WAPL: variants seen among roughly 807,000 people sequenced by gnomAD.
WAPL encodes the protein WAPL cohesin release factor, also known as wings apart-like protein homolog.
Under a neutral mutation model 121.0 loss-of-function variants are expected in WAPL, and 5 were observed. The ratio of observed to expected loss-of-function variants is 0.04; its 90% CI spans 0.02 to 0.09. The LOEUF is 0.09. WAPL is among the 10% of genes least tolerant of loss of function. The pLI is 1.00. For missense variants in WAPL, 999 were observed against 1,410.8 expected, an observed-to-expected ratio of 0.71 and a Z score of 4.68; for synonymous variants, 480 against 481.5, an observed-to-expected ratio of 1.00 and a Z score of 0.04.
intron 4 of WAPL, among the ~76,000 whole-genome samples, chr10:86,475,341 T>C (rs2132195980): frequency 6.6e-6 from 1 of 152,320 alleles, no homozygotes; most frequent in Middle Eastern, 3.4e-3. Context: ...TTTTCTCTTA[T>C]GAAACACATC....
intron 17 of WAPL, 51 bp from the exon 18 acceptor site, chr10:86,438,066 T>C (rs776802399): frequency 7.4e-6 from 10 of 1,359,978 alleles, no homozygotes; most frequent in Middle Eastern, 1.8e-4. Context: ...AACATGAGAT[T>C]GCACCTCGTA....
chr10:86,491,508 G>A (rs910568500), intron 4 of WAPL, among the ~76,000 whole-genome samples: 4 of 152,020 alleles, frequency 2.6e-5, no homozygotes, highest in African/African-American at 9.7e-5. Flanking sequence ...AACACACTCA[G>A]CACTCAGATC....
chr10:86,508,776 T>TTTTTTA (rs1842399470), intron 2 of WAPL, among the ~76,000 whole-genome samples: 1 of 149,990 alleles, frequency 6.7e-6, no homozygotes, highest in African/African-American at 2.5e-5. Flanking sequence ...TTTTTTTTTT[T>TTTTTTA]GAGACAGAGT....
In WAPL at chr10:86,499,732, C is replaced by G; in HGVS notation, c.1511G>C (p.Gly504Ala). The change falls in exon 3 of 19, where the codon GGT becomes GCT. Residue 504 changes from glycine to alanine, a missense_variant. By Grantham distance (60) the Gly-to-Ala change is moderately conservative. This residue lies in a region of WAPL where 531 missense variants were observed against 563.1 expected (regional missense o/e 0.94). Coordinates refer to ENST00000298767, the MANE Select transcript of WAPL (RefSeq NM_015045.5). ...SNDNSQDSQS[G>A]TNNAENLDFT... ...TAAATTCTTACCTGCATTGTTAGTA[C>G]CAGACTGACTGTCCTGGGAATTATC... 6.3e-7 allele frequency: 1 copy of G among 1,580,558 alleles called. No individual in the cohort carries two copies. Among genetic ancestry groups the G allele is most frequent in the Admixed American group, 1.9e-5 (1 of 51,542 alleles).
chr10:86,446,110 G>A (rs980487563), intron 16 of WAPL, 132 bp downstream of exon 16: 1 of 963,204 alleles, frequency 1.0e-6, no homozygotes, highest in African/African-American at 1.6e-5. Context: ...ATCAAAGCTT[G>A]TCTGGACTGA....
intron 14 of WAPL, 69 bp from the exon 15 acceptor site, chr10:86,452,200 A>G: frequency 6.9e-7 from 1 of 1,454,916 alleles, no homozygotes; most frequent in African/African-American, 1.4e-5. Context: ...CAATATACAC[A>G]ATTTTTAATG....
In WAPL at chr10:86,451,746, T is replaced by C. The variant is rs544654686; in HGVS notation, c.3114+221A>G. On this transcript the variant is annotated intron_variant, in intron 15 of 18. Transcript: ENST00000298767. ...TCTGGTTTAAAATAAGCTTTCACCC[T>C]AGACGCTGTGAATATTTAAAAATTG... is the stretch of plus-strand genomic sequence containing the variant. Among the ~76,000 whole-genome samples, 8 of 152,280 alleles carry C rather than the reference T, an allele frequency of 5.3e-5. No homozygotes were observed. The South Asian group carries it at 8.3e-4, about 16-fold the overall frequency.
At chr10:86,473,432 T>C (rs544381223) in intron 5 of WAPL, among the ~76,000 whole-genome samples, 1 of 152,276 alleles carries the variant, frequency 6.6e-6, no homozygotes, top group South Asian at 2.1e-4. Flanking sequence ...GCTAAGAATC[T>C]TTTTCCTAAT....
rs776329519 is a variant in WAPL at position 86,471,013 on chromosome 10, C to T, written c.2121G>A (p.Leu707=). Residue 707 remains leucine (L), a synonymous_variant, in exon 8 of 19, where the codon TTG becomes TTA. Transcript: ENST00000298767. ...ATACCTGATGGTGCTGGGAATCATC[C>T]AAGGTTTTAAAGACCATTGCTACCA... ...HGMVAMVFKT[L]DDSQHHQNLS... is the part of the protein sequence containing the mutation. 12 of 1,613,492 alleles carry T rather than the reference C, an allele frequency of 7.4e-6. No individual in the cohort carries two copies. The highest frequency in any genetic ancestry group is 1.0e-5 in the Non-Finnish European group (12 of 1,179,802).
Position 86,437,314 on chromosome 10 carries a change from A to G in WAPL, c.*229T>C, listed in dbSNP as rs1472393719. ...TTAAATACTGCATGGAATTGTTAAC[A>G]GCCTGAACCTTTTCCCCTCATTTTT... is the stretch of plus-strand genomic sequence containing the variant. On this transcript the variant is annotated 3_prime_UTR_variant, in exon 19 of 19. Coordinates refer to ENST00000298767, the MANE Select transcript of WAPL (RefSeq NM_015045.5). 7 of 508,528 alleles carry G rather than the reference A, an allele frequency of 1.4e-5. No homozygotes were observed. The Admixed American group carries it at 2.3e-4, about 16-fold the overall frequency. 31.5% of individuals were successfully genotyped at this position (508,528 alleles called of 1,614,324 possible). A position where few individuals can be genotyped will look rare whatever the true frequency, so the allele number is the denominator to read the frequency against.
At chr10:86,510,011 G>A (rs919654715) in intron 2 of WAPL, among the ~76,000 whole-genome samples, 23 of 138,964 alleles carry the variant, frequency 1.7e-4, no homozygotes, top group South Asian at 1.4e-3. Flanking sequence ...TGATCCGCCC[G>A]CCTCGGCCTT....
At position 86,472,580 on chromosome 10, in the gene WAPL, A is replaced by C; in HGVS notation, c.1893+32T>G. On this transcript the variant is annotated intron_variant, in intron 6 of 18. Transcript: ENST00000298767. The surrounding 1 kb of genome is among the most constrained non-coding windows in gnomAD (Gnocchi z 4.2). ...AAATGTTACATACAAAAATCTATCA[A>C]CATGCAGTAAACACTGTATATGGCT... 10 of 1,597,082 alleles carry C rather than the reference A, an allele frequency of 6.3e-6. No individual in the cohort carries two copies. The highest frequency in any genetic ancestry group is 8.5e-6 in the Non-Finnish European group (10 of 1,172,708).
intron 9 of WAPL, among the ~76,000 whole-genome samples, chr10:86,462,621 G>C (rs546248059): frequency 1.3e-5 from 2 of 151,534 alleles, no homozygotes; most frequent in East Asian, 1.9e-4. Context: ...TCGGGAGGCT[G>C]AGGCAGGAGG....
chr10:86,499,087 G>C (rs1423123744), intron 3 of WAPL, among the ~76,000 whole-genome samples: 1 of 152,154 alleles, frequency 6.6e-6, no homozygotes, highest in Non-Finnish European at 1.5e-5. Context: ...CATTTGTCAA[G>C]TGGAAACATC....
intron 14 of WAPL, among the ~76,000 whole-genome samples, chr10:86,452,348 T>C (rs1311060222): frequency 6.6e-6 from 1 of 151,500 alleles, no homozygotes; most frequent in Non-Finnish European, 1.5e-5. Context: ...TCCCAGCACT[T>C]TGGGAGGCCA....
rs772010397 is a variant in WAPL, at chr10:86,500,093, A to C, written c.1150T>G (p.Phe384Val). ...QDTMERSMDE[F>V]TASTPADLGE... is the part of the protein sequence containing the mutation. The stretch of plus-strand genomic sequence containing the variant: ...AAATCTGCAGGAGTGGATGCAGTGA[A>C]CTCATCCATGCTGCGTTCCATAGTA... The change falls in exon 3 of 19, where the codon TTC (phenylalanine) becomes GTC (valine). Residue 384 changes from phenylalanine to valine, a missense_variant. Phe to Val is a conservative substitution (Grantham distance 50). Coordinates refer to ENST00000298767, the MANE Select transcript of WAPL (RefSeq NM_015045.5). 10 of 1,614,026 alleles carry C rather than the reference A, an allele frequency of 6.2e-6. No homozygotes were observed. The highest frequency in any genetic ancestry group is 1.3e-5 in the African/African-American group (1 of 74,906).
In WAPL at chr10:86,477,178, CAT is replaced by C. The variant is rs547208159; in HGVS notation, c.1645-3207_1645-3206del. On this transcript the variant is annotated intron_variant, in intron 4 of 18. Coordinates refer to ENST00000298767, the MANE Select transcript of WAPL (RefSeq NM_015045.5). ...AATATCTGTATATGGCTAACATACA[CAT>C]ATGGCAGGGAGAGGAAGAAACAGGG... is the stretch of plus-strand genomic sequence containing the variant. Among the ~76,000 whole-genome samples the C allele has an allele frequency of 4.9e-4, 74 of 152,242 alleles. 1 individual carries two copies. In the East Asian group the frequency reaches 0.013, roughly 26 times the overall value.
chr10:86,449,505 T>C (rs895503022), intron 15 of WAPL, among the ~76,000 whole-genome samples: 7 of 152,192 alleles, frequency 4.6e-5, no homozygotes, highest in African/African-American at 1.7e-4. Context: ...GACAAGAGGC[T>C]TCTATAACAC....
At chr10:86,515,416 T>C (rs1842536581) in intron 2 of WAPL, among the ~76,000 whole-genome samples, 1 of 152,138 alleles carries the variant, frequency 6.6e-6, no homozygotes, top group African/African-American at 2.4e-5. Flanking sequence ...CTAGCTGACC[T>C]TGGACAGTCA....
Sources: gnomAD v4.1 joint callset for allele counts (sites outside exome capture counted in the v4.1 genomes callset) on GRCh38, gnomAD v4.1.1 for gene constraint, gnomAD v4.1.1 regional missense constraint, Gnocchi (gnomAD v3.1) non-coding constraint, MANE v1.5 for transcripts, NCBI Gene and HGNC (gene_info 2026-07-23, HGNC 2026-07-21) for gene names.